The following EPHA6 variants were observed in gnomAD, a reference collection of about 807,000 sequenced individuals.
EPHA6 encodes EPH receptor A6, also known as ephrin type-A receptor 6.
In EPHA6, 50 loss-of-function variants were observed where a neutral mutation model predicts 112.0. The observed-to-expected ratio is 0.45, with a 90% confidence interval of 0.36 to 0.56. The LOEUF (loss-of-function observed/expected upper bound fraction) is 0.56, where lower values mean the gene tolerates loss of function less well. EPHA6 is among the 20% of genes least tolerant of loss of function. The probability of loss-of-function intolerance (pLI) is 0.00; values close to 1 mark genes in which losing one functional copy is unlikely to be tolerated. For synonymous variants in EPHA6, 529 were observed against 490.7 expected (o/e 1.08, Z -1.03); for missense variants, 1,280 against 1,417.4 (o/e 0.90, Z 1.56).
At chr3:97,059,816 A>G (rs1032855762) in intron 3 of EPHA6, among the ~76,000 whole-genome samples, 2 of 151,894 alleles carry the variant, frequency 1.3e-5, no homozygotes, top group Admixed American at 6.6e-5. Context: ...GAGCATATCC[A>G]TAGTAAAATA....
At chr3:97,463,603 G>A (rs1453816068) in intron 7 of EPHA6, among the ~76,000 whole-genome samples, 1 of 152,104 alleles carries the variant, frequency 6.6e-6, no homozygotes, top group Non-Finnish European at 1.5e-5. Context: ...AAGCCATTGA[G>A]GAAAATGGCC....
intron 5 of EPHA6, among the ~76,000 whole-genome samples, chr3:97,391,963 T>C (rs1279826930): frequency 6.6e-6 from 1 of 151,820 alleles, no homozygotes; most frequent in Non-Finnish European, 1.5e-5. Flanking sequence ...AGACATCCAG[T>C]AAGCAAATTT....
At chr3:97,594,366 A>G (rs953898729) in intron 12 of EPHA6, among the ~76,000 whole-genome samples, 2 of 152,222 alleles carry the variant, frequency 1.3e-5, no homozygotes, top group African/African-American at 2.4e-5. Context: ...TCTAGGCTTT[A>G]AGCCAAATTT....
intron 3 of EPHA6, among the ~76,000 whole-genome samples, chr3:97,063,307 C>A (rs1291357745): frequency 6.6e-6 from 1 of 151,984 alleles, no homozygotes; most frequent in Non-Finnish European, 1.5e-5. Flanking sequence ...AACCCAAATC[C>A]CCATCAATGA....
intron 6 of EPHA6, among the ~76,000 whole-genome samples, chr3:97,429,938 T>C (rs9880165): frequency 0.15 from 22,819 of 152,206 alleles, 5,382 homozygotes; most frequent in African/African-American, 0.5. Flanking sequence ...CAGAGTCTTG[T>C]TACCATGAGA....
At chr3:97,664,085 G>C (rs946401331) in intron 14 of EPHA6, among the ~76,000 whole-genome samples, 73 of 152,080 alleles carry the variant, frequency 4.8e-4, no homozygotes, top group Non-Finnish European at 2.4e-4. Flanking sequence ...CTGATGACCA[G>C]TGATGATGAG....
At chr3:97,241,383 A>C (rs535780441) in intron 4 of EPHA6, among the ~76,000 whole-genome samples, 1 of 151,834 alleles carries the variant, frequency 6.6e-6, no homozygotes, top group Non-Finnish European at 1.5e-5. Flanking sequence ...TCTTTTAAAG[A>C]AACAAAATCA....
At chr3:97,584,855 AAT>A (rs1222346165) in intron 11 of EPHA6, among the ~76,000 whole-genome samples, 1 of 152,224 alleles carries the variant, frequency 6.6e-6, no homozygotes, top group African/African-American at 2.4e-5. Flanking sequence ...ATGATAAACC[AAT>A]ATGTTTATTA....
chr3:97,702,384 T>C (rs562694876), intron 14 of EPHA6, among the ~76,000 whole-genome samples: 12 of 152,326 alleles, frequency 7.9e-5, no homozygotes, highest in Middle Eastern at 3.4e-3. Context: ...AAAGGATGGA[T>C]GCAATCTTTA....
At position 97,309,818 on chromosome 3, in the gene EPHA6, A is replaced by G. The variant is rs376323699; in HGVS notation, c.1606+65531A>G. 4.0e-5 allele frequency among the ~76,000 whole-genome samples: 6 copies of G among 151,814 alleles called. 1 individual carries two copies. The highest frequency in any genetic ancestry group is 1.4e-4 in the African/African-American group (6 of 41,520). On this transcript the variant is annotated intron_variant, in intron 5 of 17. Coordinates refer to ENST00000389672, the MANE Select transcript of EPHA6 (RefSeq NM_001080448.3). ...TAATAAAATTTATGATGAACAAACAAAATGTTTTTAGTAACCACCTTTGTA... is the reference window on the plus strand; with the variant it reads ...TAATAAAATTTATGATGAACAAACAGAATGTTTTTAGTAACCACCTTTGTA...
At chr3:96,981,751 A>G (rs931357963) in intron 2 of EPHA6, among the ~76,000 whole-genome samples, 2 of 152,066 alleles carry the variant, frequency 1.3e-5, no homozygotes, top group African/African-American at 4.8e-5. Flanking sequence ...TGGTCCATTC[A>G]GAGATTCAAC....
Position 96,814,850 on chromosome 3 carries a change from G to C in EPHA6, c.227G>C (p.Cys76Ser). ...DKDPHPTQNT[C>S]LRCRHFSLRE... is the part of the protein sequence containing the mutation. ...GACCCCCATCCTACCCAGAACACCT[G>C]CCTGCGCTGCCGCCACTTCTCTTTA... The change falls in exon 1 of 18, where the codon TGC (cysteine) becomes TCC (serine). Residue 76 changes from cysteine to serine, a missense_variant. By Grantham distance (112) the Cys-to-Ser change is moderately radical (BLOSUM62 -1). Transcript: ENST00000389672. 1 of 1,564,154 alleles carries C rather than the reference G, an allele frequency of 6.4e-7. No individual in the cohort carries two copies. The highest frequency in any genetic ancestry group is 8.7e-7 in the Non-Finnish European group (1 of 1,154,184).
chr3:96,898,767 C>T (rs1272692167), intron 2 of EPHA6, among the ~76,000 whole-genome samples: 4 of 151,924 alleles, frequency 2.6e-5, no homozygotes, highest in African/African-American at 4.8e-5. Flanking sequence ...CGGTGGCTCA[C>T]GGCTGTAATC....
rs1418770206 is a variant in EPHA6 at position 97,187,745 on chromosome 3, G to GAA, written c.1115-38518_1115-38517insAA. On this transcript the variant is annotated intron_variant, in intron 3 of 17. Coordinates refer to ENST00000389672, the MANE Select transcript of EPHA6 (RefSeq NM_001080448.3). The stretch of plus-strand genomic sequence containing the variant: ...AGAAAGAAAGAAAGAAAGAAAGAAA[G>GAA]AGGAAAGAAAGAAAGAAAAATGCCA... Among the ~76,000 whole-genome samples the GAA allele has an allele frequency of 1.8e-3, 245 of 138,328 alleles. 1 individual carries two copies. The highest frequency in any genetic ancestry group is 4.1e-3 in the African/African-American group (151 of 36,996). 90.7% of individuals were successfully genotyped at this position (138,328 alleles called of 152,430 possible). A position where few individuals can be genotyped will look rare whatever the true frequency, so the allele number is the denominator to read the frequency against.
At chr3:97,740,700 G>A (rs1415466478) in intron 16 of EPHA6, among the ~76,000 whole-genome samples, 1 of 152,124 alleles carries the variant, frequency 6.6e-6, no homozygotes, top group Non-Finnish European at 1.5e-5. Flanking sequence ...AGACTGAATA[G>A]TACTATCTCT....
chr3:97,407,952 T>C (rs949424792), intron 6 of EPHA6, among the ~76,000 whole-genome samples: 1 of 152,072 alleles, frequency 6.6e-6, no homozygotes, highest in African/African-American at 2.4e-5. Context: ...GGGTAATTTA[T>C]AAGAAACATA....
intron 15 of EPHA6, among the ~76,000 whole-genome samples, chr3:97,730,404 C>T (rs148573822): frequency 8.0e-4 from 121 of 152,182 alleles, no homozygotes; most frequent in African/African-American, 2.8e-3. Context: ...GTAATTCCTT[C>T]TAACTTTTCA....
At chr3:97,456,833 C>T (rs996033832) in intron 7 of EPHA6, among the ~76,000 whole-genome samples, 4 of 151,992 alleles carry the variant, frequency 2.6e-5, no homozygotes, top group African/African-American at 9.7e-5. Flanking sequence ...TTCTTTCAAG[C>T]TATTTGACTT....
chr3:97,551,914 G>A (rs1192843107), intron 11 of EPHA6, among the ~76,000 whole-genome samples: 1 of 152,144 alleles, frequency 6.6e-6, no homozygotes, highest in Non-Finnish European at 1.5e-5. Flanking sequence ...TAAGAATCAA[G>A]AGAGAATATA....
Sources: allele counts gnomAD v4.1 joint callset (sites outside exome capture counted in the v4.1 genomes callset), GRCh38; gene constraint gnomAD v4.1.1; transcripts MANE v1.5; gene names NCBI Gene and HGNC (gene_info 2026-07-23, HGNC 2026-07-21).